EPN1: variants seen among roughly 807,000 people sequenced by gnomAD.
EPN1 encodes epsin 1.
Under a neutral mutation model 56.9 loss-of-function variants are expected in EPN1, and 25 were observed. The observed-to-expected ratio is 0.44, with a 90% CI of 0.32 to 0.61. The LOEUF is 0.61. EPN1 is among the 20% of genes least tolerant of loss of function. The pLI is 0.05. For missense variants in EPN1, 785 were observed against 823.7 expected (o/e 0.95, Z 0.58); for synonymous variants, 411 against 361.8 (o/e 1.14, Z -1.54).
In EPN1 at chr19:55,685,407, G is replaced by C; in HGVS notation, c.240G>C (p.Leu80=). The C allele has an allele frequency of 6.2e-7, 1 of 1,611,104 alleles. No homozygotes were observed. Among genetic ancestry groups the C allele is most frequent in the Non-Finnish European group, 8.5e-7 (1 of 1,178,958 alleles). Residue 80 remains leucine (L), a synonymous_variant, in exon 3 of 11, where the codon CTG becomes CTC. Transcript: ENST00000270460. ...NWRHVYKAMT[L]MEYLIKTGSE... ...GTGCCCGCTCGCAGGCCATGACGCT[G>C]ATGGAGTACCTCATCAAGACCGGCT...
Position 55,691,843 on chromosome 19 carries a change from TGCCGTCCCCACG to T in EPN1, c.855_866del (p.Val286_Ala289del). On this transcript the variant is annotated inframe_deletion, in exon 7 of 11. Coordinates refer to ENST00000270460, the MANE Select transcript of EPN1 (RefSeq NM_001130072.2). The surrounding 1 kb of genome is among the most constrained non-coding windows in gnomAD (Gnocchi z 5.6). Reference sequence around the variant, plus strand: ...GGGGGGGCCCAGCACCCATGGCTGCTGCCGTCCCCACGGCTGCCCCCACCTCGGACCCCTGGG... The same window carrying T: ...GGGGGGGCCCAGCACCCATGGCTGCTGCTGCCCCCACCTCGGACCCCTGGG... 6.2e-7 allele frequency: 1 copy of T among 1,607,040 alleles called. No homozygotes were observed. The highest frequency in any genetic ancestry group is 8.5e-7 in the Non-Finnish European group (1 of 1,175,888).
intron 1 of EPN1, chr19:55,677,321 C>G: frequency 1.3e-6 from 1 of 773,518 alleles, no homozygotes; most frequent in Non-Finnish European, 2.3e-6. Flanking sequence ...TGAGTTAATA[C>G]ATGTAAAGCA....
chr19:55,696,204 G>C lies in EPN1; in HGVS notation c.*848G>C, dbSNP rs942395484. ...CTCCTGGAAAGCCGGGTCAGCCTCT[G>C]CCGGCTGAGCTGAGTGGACCACCAG... is the stretch of plus-strand genomic sequence containing the variant. On this transcript the variant is annotated 3_prime_UTR_variant, in exon 11 of 11. Coordinates refer to ENST00000270460, the MANE Select transcript of EPN1 (RefSeq NM_001130072.2). The C allele has an allele frequency of 2.0e-5, 3 of 152,394 alleles. No homozygotes were observed. Among genetic ancestry groups the C allele is most frequent in the African/African-American group, 7.2e-5 (3 of 41,446 alleles). The allele number at this position is 152,394 out of a possible 1,614,324, so 9.4% of individuals were successfully genotyped here.
In EPN1 at chr19:55,694,444, C is replaced by A; in HGVS notation, c.1265-282C>A. Reference sequence around the variant, plus strand: ...GCCTATAGACCCTGGACGGCCCCACCCTGAAGCAGTTGCTGCCCTCTGGTT... The same window carrying A: ...GCCTATAGACCCTGGACGGCCCCACACTGAAGCAGTTGCTGCCCTCTGGTT... On this transcript the variant is annotated intron_variant, in intron 9 of 10. Coordinates refer to ENST00000270460, the MANE Select transcript of EPN1 (RefSeq NM_001130072.2). The surrounding 1 kb of genome is among the most constrained non-coding windows in gnomAD (Gnocchi z 4.2). 2.5e-6 allele frequency: 1 copy of A among 396,160 alleles called. No individual in the cohort carries two copies. Among genetic ancestry groups the A allele is most frequent in the East Asian group, 3.9e-5 (1 of 25,868 alleles). The allele number at this position is 396,160 out of a possible 1,614,324, so 24.5% of individuals were successfully genotyped here. A position where few individuals can be genotyped will look rare whatever the true frequency, so the allele number is the denominator to read the frequency against.
rs2122258515 is a variant in EPN1, at chr19:55,706,949, CGGATTACCTCAGGTCA to C, written c.*11597_*11612del. 1 of 151,966 alleles carries C rather than the reference CGGATTACCTCAGGTCA, an allele frequency of 6.6e-6. No homozygotes were observed. Among genetic ancestry groups the C allele is most frequent in the East Asian group, 2.0e-4 (1 of 5,128 alleles). 9.4% of individuals were successfully genotyped at this position (151,966 alleles called of 1,614,324 possible). On this transcript the variant is annotated 3_prime_UTR_variant, in exon 11 of 11. Transcript: ENST00000270460. Reference sequence around the variant, plus strand: ...CAGCACTTTGGGAGGCCGAGGCAGGCGGATTACCTCAGGTCAGGAGTTTGAGACCAGCCTGACCAAC... The same window carrying C: ...CAGCACTTTGGGAGGCCGAGGCAGGCGGAGTTTGAGACCAGCCTGACCAAC...
chr19:55,685,174 C>A (rs1422471493), intron 2 of EPN1, among the ~76,000 whole-genome samples: 1 of 152,258 alleles, frequency 6.6e-6, no homozygotes, highest in African/African-American at 2.4e-5. Context: ...TGTCGCTGAG[C>A]GCAGTACCTC....
chr19:55,692,713 C>T lies in EPN1; in HGVS notation c.1094C>T (p.Ala365Val), dbSNP rs1401546585. The change falls in exon 8 of 11, where the codon GCC becomes GTC. Residue 365 changes from alanine (A) to valine (V), a missense_variant. Transcript: ENST00000270460. The stretch of plus-strand genomic sequence containing the variant: ...GGGGTCCCGGTCAGTGGGCCCTCAG[C>T]CTCCGATCCCTGGACACCGGCCCCG... ...DGGVPVSGPSASDPWTPAPAF... is the reference protein window; with the variant it reads ...DGGVPVSGPSVSDPWTPAPAF... 1.9e-6 allele frequency: 3 copies of T among 1,556,832 alleles called. No individual in the cohort carries two copies. The highest frequency in any genetic ancestry group is 2.4e-5 in the East Asian group (1 of 41,584).
intron 1 of EPN1, chr19:55,677,861 T>G: frequency 8.1e-7 from 1 of 1,241,014 alleles, no homozygotes; most frequent in Non-Finnish European, 1.1e-6. Context: ...GCCCTCCCTC[T>G]CCACTTCCTC....
Position 55,689,259 on chromosome 19 carries a change from C to A in EPN1, c.604-38C>A. ...GCTCTGCCTCTGACTCTGCCTCTGGCCCCTCCCGTCATGCCCCTCACACTC... is the reference window on the plus strand; with the variant it reads ...GCTCTGCCTCTGACTCTGCCTCTGGACCCTCCCGTCATGCCCCTCACACTC... On this transcript the variant is annotated intron_variant, in intron 4 of 10. Transcript: ENST00000270460. This position sits in a 1 kb window ranked among gnomAD's most constrained non-coding sequence, Gnocchi z 5.7. 1 of 1,435,796 alleles carries A rather than the reference C, an allele frequency of 7.0e-7. No homozygotes were observed. Among genetic ancestry groups the A allele is most frequent in the Non-Finnish European group, 9.6e-7 (1 of 1,041,940 alleles). The allele number at this position is 1,435,796 out of a possible 1,614,324, so 88.9% of individuals were successfully genotyped here. A position where few individuals can be genotyped will look rare whatever the true frequency, so the allele number is the denominator to read the frequency against.
In EPN1 at chr19:55,698,997, G is replaced by C. The variant is rs1987020398; in HGVS notation, c.*3641G>C. ...CTGACCTCGTGATCCGCCTGCCTCG[G>C]CCTCCCAAAGTGCTGGGATTACAGG... On this transcript the variant is annotated 3_prime_UTR_variant, in exon 11 of 11. Coordinates refer to ENST00000270460, the MANE Select transcript of EPN1 (RefSeq NM_001130072.2). 6.6e-6 allele frequency: 1 copy of C among 152,184 alleles called. No individual in the cohort carries two copies. Among genetic ancestry groups the C allele is most frequent in the Non-Finnish European group, 1.5e-5 (1 of 68,044 alleles). 9.4% of individuals were successfully genotyped at this position (152,184 alleles called of 1,614,324 possible).
chr19:55,708,556 G>C lies in EPN1; in HGVS notation c.*13200G>C, dbSNP rs531028782. 2.4e-5 allele frequency: 4 copies of C among 167,572 alleles called. No homozygotes were observed. The highest frequency in any genetic ancestry group is 9.5e-5 in the African/African-American group (4 of 42,138). 10.4% of individuals were successfully genotyped at this position (167,572 alleles called of 1,614,324 possible). On this transcript the variant is annotated 3_prime_UTR_variant, in exon 11 of 11. Transcript: ENST00000270460. ...ACATTCTAGCATCACTTCTGTGTCA[G>C]AAGTATCCGGATTGTGGTGCCTACA... is the stretch of plus-strand genomic sequence containing the variant.
At position 55,685,343 on chromosome 19, in the gene EPN1, T is replaced by G; in HGVS notation, c.229-53T>G. On this transcript the variant is annotated intron_variant, in intron 2 of 10. Coordinates refer to ENST00000270460, the MANE Select transcript of EPN1 (RefSeq NM_001130072.2). ...CAGAGCCCGCGTCGCAGGCAGTCTC[T>G]GGCCCGCCTTGTGCCCGGCGTGCTG... 1.9e-6 allele frequency: 3 copies of G among 1,575,934 alleles called. No individual in the cohort carries two copies. In the South Asian group the frequency reaches 3.5e-5, roughly 18 times the overall value.
rs557931298 is a variant in EPN1 at position 55,706,904 on chromosome 19, G to T, written c.*11548G>T. ...AAAATATTTAAATGGGCTGAGCGCG[G>T]TGGCTCAGGCCTGTAATCCCAGCAC... On this transcript the variant is annotated 3_prime_UTR_variant, in exon 11 of 11. Transcript: ENST00000270460. 1 of 152,146 alleles carries T rather than the reference G, an allele frequency of 6.6e-6. No individual in the cohort carries two copies. Among genetic ancestry groups the T allele is most frequent in the South Asian group, 2.1e-4 (1 of 4,808 alleles). 9.4% of individuals were successfully genotyped at this position (152,146 alleles called of 1,614,324 possible).
chr19:55,680,345 G>T (rs1985728329), intron 2 of EPN1, among the ~76,000 whole-genome samples: 2 of 152,214 alleles, frequency 1.3e-5, no homozygotes, highest in South Asian at 4.2e-4. Context: ...ACTCTCCCCA[G>T]GCCTGGCTGT....
chr19:55,681,297 A>C (rs1312235199), intron 2 of EPN1, among the ~76,000 whole-genome samples: 2 of 152,200 alleles, frequency 1.3e-5, no homozygotes, highest in Non-Finnish European at 2.9e-5. Context: ...CTGTAAAGGA[A>C]GTTCTTTTTC....
rs1568587473 is a variant in EPN1 at position 55,705,829 on chromosome 19, T to TATATATATATATATATATATATA, written c.*10473_*10474insATATATATATATATATATATATA. 8.2e-5 allele frequency: 6 copies of TATATATATATATATATATATATA among 72,942 alleles called. No homozygotes were observed. Among genetic ancestry groups the TATATATATATATATATATATATA allele is most frequent in the African/African-American group, 1.8e-4 (2 of 11,334 alleles). 4.5% of individuals were successfully genotyped at this position (72,942 alleles called of 1,614,324 possible). On this transcript the variant is annotated 3_prime_UTR_variant, in exon 11 of 11. Transcript: ENST00000270460. The stretch of plus-strand genomic sequence containing the variant: ...GTGGGATATATATATATATATATAT[T>TATATATATATATATATATATATA]TAGAGTGTTGTGGGATATATATATA...
chr19:55,689,128 C>T lies in EPN1; in HGVS notation c.603+134C>T, dbSNP rs577100198. The T allele has an allele frequency of 9.1e-5, 119 of 1,303,138 alleles. No individual in the cohort carries two copies. The highest frequency in any genetic ancestry group is 1.2e-4 in the Non-Finnish European group (111 of 960,778). The allele number at this position is 1,303,138 out of a possible 1,614,324, so 80.7% of individuals were successfully genotyped here. On this transcript the variant is annotated intron_variant, in intron 4 of 10. Coordinates refer to ENST00000270460, the MANE Select transcript of EPN1 (RefSeq NM_001130072.2). This position sits in a 1 kb window ranked among gnomAD's most constrained non-coding sequence, Gnocchi z 5.7. ...TGCTGTCACTCGTCTCCTCCCCAGT[C>T]CTGCCTCATCCTCACCCCGCCGTCC...
Position 55,703,916 on chromosome 19 carries a change from G to C in EPN1, c.*8560G>C, listed in dbSNP as rs963885802. 1 of 152,212 alleles carries C rather than the reference G, an allele frequency of 6.6e-6. No individual in the cohort carries two copies. The highest frequency in any genetic ancestry group is 2.4e-5 in the African/African-American group (1 of 41,444). 9.4% of individuals were successfully genotyped at this position (152,212 alleles called of 1,614,324 possible). Reference sequence around the variant, plus strand: ...CAGCAGAGGGCGCCGGAGAGCGGACGGAGCCGCAGGCGGGGTTGTGGGAAG... The same window carrying C: ...CAGCAGAGGGCGCCGGAGAGCGGACCGAGCCGCAGGCGGGGTTGTGGGAAG... On this transcript the variant is annotated 3_prime_UTR_variant, in exon 11 of 11. Coordinates refer to ENST00000270460, the MANE Select transcript of EPN1 (RefSeq NM_001130072.2).
rs961995749 is a variant in EPN1 at position 55,689,628 on chromosome 19, G to A, written c.679-239G>A. On this transcript the variant is annotated intron_variant, in intron 5 of 10. Transcript: ENST00000270460. This position sits in a 1 kb window ranked among gnomAD's most constrained non-coding sequence, Gnocchi z 5.7. The stretch of plus-strand genomic sequence containing the variant: ...TCCCCCCAACGCAGGAGATACCACC[G>A]AGGCGGGTGCCCGTCCTCCCCGGGT... Among the ~76,000 whole-genome samples the A allele has an allele frequency of 2.0e-4, 30 of 152,134 alleles. No homozygotes were observed. The highest frequency in any genetic ancestry group is 1.8e-3 in the Admixed American group (27 of 15,286).
Sources: gnomAD v4.1 joint callset for allele counts (sites outside exome capture counted in the v4.1 genomes callset) on GRCh38, gnomAD v4.1.1 for gene constraint, Gnocchi (gnomAD v3.1) non-coding constraint, MANE v1.5 for transcripts, NCBI Gene and HGNC (gene_info 2026-07-23, HGNC 2026-07-21) for gene names.